The following TAS2R1 variants were observed in gnomAD, a reference collection of about 807,000 sequenced individuals.
TAS2R1 encodes the protein taste receptor type 2 member 1.
For synonymous variants in TAS2R1, 141 were observed against 134.2 expected, an observed-to-expected ratio of 1.05 and a Z score of -0.35; for missense variants, 370 against 353.4, an observed-to-expected ratio of 1.05 and a Z score of -0.38.
At chr5:9,839,289 T>C in the TAS2R1 span, among the ~76,000 whole-genome samples, 2 of 152,138 alleles carry the variant, frequency 1.3e-5, no homozygotes, top group African/African-American at 2.4e-5. Flanking sequence ...AACTCTCAGG[T>C]TTCCGACACT....
intron 1 of TAS2R1, among the ~76,000 whole-genome samples, chr5:9,662,947 C>A (rs1229953180): frequency 6.6e-6 from 1 of 151,714 alleles, no homozygotes. Context: ...ATTTTGAAGT[C>A]AGTACATTAT....
intron 1 of TAS2R1, among the ~76,000 whole-genome samples, chr5:9,666,055 A>G (rs1042452918): frequency 2.0e-5 from 3 of 152,238 alleles, no homozygotes; most frequent in Non-Finnish European, 4.4e-5. Flanking sequence ...GGATTCAGGA[A>G]AGTTATATAA....
chr5:9,901,364 G>C, the TAS2R1 span, among the ~76,000 whole-genome samples: 4 of 152,028 alleles, frequency 2.6e-5, no homozygotes, highest in African/African-American at 9.7e-5. Flanking sequence ...TTTGGGCTGA[G>C]AGAAAACCAT....
At chr5:9,635,307 T>C (rs1739942786), upstream of TAS2R1, among the ~76,000 whole-genome samples, 1 of 152,182 alleles carries the variant, frequency 6.6e-6, no homozygotes, top group Admixed American at 6.5e-5. Flanking sequence ...CACTTGATCA[T>C]GGTGGATTAT....
the TAS2R1 span, among the ~76,000 whole-genome samples, chr5:9,864,473 CA>C: frequency 6.1e-5 from 9 of 148,346 alleles, no homozygotes; most frequent in East Asian, 2.0e-4. Flanking sequence ...CTCAAAACTA[CA>C]AAAAAAAAAT....
chr5:9,791,812 T>C, the TAS2R1 span, among the ~76,000 whole-genome samples: 1 of 152,198 alleles, frequency 6.6e-6, no homozygotes, highest in Non-Finnish European at 1.5e-5. Context: ...GACTCTGTTG[T>C]ACAGCCTGGG....
the TAS2R1 span, among the ~76,000 whole-genome samples, chr5:9,834,789 C>G: frequency 6.6e-6 from 1 of 151,400 alleles, no homozygotes; most frequent in Non-Finnish European, 1.5e-5. Context: ...CTCTGCCCAT[C>G]TTTGTAGTCC....
At chr5:9,830,060 G>A in the TAS2R1 span, among the ~76,000 whole-genome samples, 3 of 152,280 alleles carry the variant, frequency 2.0e-5, no homozygotes, top group Middle Eastern at 3.4e-3. Context: ...GCAGGTGGGA[G>A]GCCACAAGCA....
the TAS2R1 span, among the ~76,000 whole-genome samples, chr5:9,890,138 AAT>A: frequency 6.6e-6 from 1 of 152,170 alleles, no homozygotes; most frequent in Non-Finnish European, 1.5e-5. Flanking sequence ...CTTCAGAAGA[AAT>A]CCCACAGTTT....
At chr5:9,642,238 C>A (rs1157032593) in intron 2 of TAS2R1, among the ~76,000 whole-genome samples, 1 of 152,164 alleles carries the variant, frequency 6.6e-6, no homozygotes, top group African/African-American at 2.4e-5. Context: ...GTATTAGAGG[C>A]ATCATGAAAG....
In TAS2R1 at chr5:9,627,658, G is replaced by A. The variant is rs941368783; in HGVS notation, c.*1475C>T. On this transcript the variant is annotated 3_prime_UTR_variant, in exon 1 of 1. Transcript: ENST00000382492. The stretch of plus-strand genomic sequence containing the variant: ...TCATTGTCCTTTCCCCCATTCAGAA[G>A]CAATAATTACACCCAGGATACAACT... Among the ~76,000 whole-genome samples, 1 of 152,182 alleles carries A rather than the reference G, an allele frequency of 6.6e-6. No individual in the cohort carries two copies. The highest frequency in any genetic ancestry group is 2.4e-5 in the African/African-American group (1 of 41,432).
intron 1 of TAS2R1, among the ~76,000 whole-genome samples, chr5:9,667,381 C>T (rs1235540913): frequency 6.6e-6 from 1 of 152,182 alleles, no homozygotes; most frequent in African/African-American, 2.4e-5. Context: ...TCCTGTTGCC[C>T]TGGAAATACC....
At chr5:9,744,023 C>T in the TAS2R1 span, among the ~76,000 whole-genome samples, 4 of 152,244 alleles carry the variant, frequency 2.6e-5, no homozygotes, top group South Asian at 8.3e-4. Context: ...TCCGATCACT[C>T]ATGTTTGGAT....
At chr5:9,748,050 T>G in the TAS2R1 span, among the ~76,000 whole-genome samples, 1 of 152,106 alleles carries the variant, frequency 6.6e-6, no homozygotes, top group African/African-American at 2.4e-5. Flanking sequence ...AGATTTTCAA[T>G]ATGGTGGAGG....
At chr5:9,718,837 G>A in the TAS2R1 span, among the ~76,000 whole-genome samples, 1 of 151,906 alleles carries the variant, frequency 6.6e-6, no homozygotes, top group Admixed American at 6.6e-5. Context: ...GCATAAAATA[G>A]GGAGCATTCT....
At chr5:9,709,198 A>G (rs1741682945) in intron 1 of TAS2R1, among the ~76,000 whole-genome samples, 1 of 152,014 alleles carries the variant, frequency 6.6e-6, no homozygotes, top group South Asian at 2.1e-4. Flanking sequence ...GAAAAAAAAA[A>G]AAAAAAGAAA....
the TAS2R1 span, among the ~76,000 whole-genome samples, chr5:9,819,971 G>A: frequency 6.6e-6 from 1 of 152,036 alleles, no homozygotes; most frequent in Admixed American, 6.6e-5. Flanking sequence ...TGACAAGCCA[G>A]CTCCATGAAA....
the TAS2R1 span, among the ~76,000 whole-genome samples, chr5:9,811,228 G>A: frequency 6.6e-6 from 1 of 152,166 alleles, no homozygotes; most frequent in African/African-American, 2.4e-5. Context: ...CCAGGAACTG[G>A]TCCTCACCAG....
At chr5:9,786,479 A>C in the TAS2R1 span, among the ~76,000 whole-genome samples, 4 of 152,210 alleles carry the variant, frequency 2.6e-5, no homozygotes, top group African/African-American at 7.2e-5. Flanking sequence ...TGGTGCCTAG[A>C]ATTTACCTTT....
Sources: gnomAD v4.1 joint callset for allele counts (sites outside exome capture counted in the v4.1 genomes callset) on GRCh38, gnomAD v4.1.1 for gene constraint, MANE v1.5 for transcripts, NCBI Gene and HGNC (gene_info 2026-07-23, HGNC 2026-07-21) for gene names.